The following ZRANB3 variants were observed in gnomAD, a reference collection of about 807,000 sequenced individuals.
ZRANB3 encodes DNA annealing helicase and endonuclease ZRANB3.
ZRANB3 carries 125 observed loss-of-function variants against 133.8 expected under a neutral mutation model. The observed-to-expected ratio is 0.93, with a 90% CI of 0.81 to 1.08. The LOEUF (loss-of-function observed/expected upper bound fraction) is 1.08, where lower values mean the gene tolerates loss of function less well. ZRANB3 is among the 50% of genes least tolerant of loss of function. ZRANB3 has a pLI of 0.00. For synonymous variants in ZRANB3, 387 were observed against 432.7 expected, an observed-to-expected ratio of 0.89 and a Z score of 1.31; for missense variants, 1,229 against 1,275.5, an observed-to-expected ratio of 0.96 and a Z score of 0.56.
At chr2:135,261,687 A>T (rs1300764602) in intron 12 of ZRANB3, among the ~76,000 whole-genome samples, 1 of 152,246 alleles carries the variant, frequency 6.6e-6, no homozygotes, top group East Asian at 1.9e-4. Context: ...ACACATATGT[A>T]GGAAGATTTA....
chr2:135,294,382 T>C (rs1381602779), intron 8 of ZRANB3, among the ~76,000 whole-genome samples: 2 of 152,250 alleles, frequency 1.3e-5, no homozygotes, highest in Non-Finnish European at 2.9e-5. Context: ...TTTATTTGCA[T>C]AGAGGTGTTT....
chr2:135,271,971 T>C lies in ZRANB3; in HGVS notation c.1087-84A>G. The C allele has an allele frequency of 4.4e-6, 6 of 1,353,640 alleles. No homozygotes were observed. The Middle Eastern group carries it at 1.5e-3, about 348-fold the overall frequency. 83.9% of individuals were successfully genotyped at this position (1,353,640 alleles called of 1,614,324 possible). On this transcript the variant is annotated intron_variant, in intron 9 of 20. Transcript: ENST00000264159. ...TTATATATTTTACAGCTTATTTTTA[T>C]GGTCACATAACAAAATGGAACTTGG... is the stretch of plus-strand genomic sequence containing the variant.
intron 13 of ZRANB3, among the ~76,000 whole-genome samples, chr2:135,229,841 CA>C (rs1357000845): frequency 6.6e-6 from 1 of 152,084 alleles, no homozygotes; most frequent in Admixed American, 6.5e-5. Flanking sequence ...TTTCTTACGA[CA>C]ACCACGGGTA....
At chr2:135,526,863 C>A (rs1238515831) in intron 1 of ZRANB3, among the ~76,000 whole-genome samples, 1 of 152,062 alleles carries the variant, frequency 6.6e-6, no homozygotes, top group Non-Finnish European at 1.5e-5. Flanking sequence ...AAAACTTGGT[C>A]TCCACAATCC....
At chr2:135,432,182 G>A (rs747063368) in intron 2 of ZRANB3, among the ~76,000 whole-genome samples, 5 of 152,188 alleles carry the variant, frequency 3.3e-5, no homozygotes, top group South Asian at 2.1e-4. Context: ...CCCAGGAGGC[G>A]GAGGCTGCAG....
chr2:135,284,103 C>T (rs190159294), intron 8 of ZRANB3, among the ~76,000 whole-genome samples: 2 of 152,214 alleles, frequency 1.3e-5, no homozygotes, highest in African/African-American at 4.8e-5. Context: ...TGGAGCCAGA[C>T]AGTCTGGGTT....
chr2:135,360,556 T>A (rs934559067), intron 3 of ZRANB3, among the ~76,000 whole-genome samples: 2 of 150,442 alleles, frequency 1.3e-5, no homozygotes, highest in African/African-American at 2.4e-5. Context: ...ATACAAAAAA[T>A]TAGCCAAGCG....
Position 135,285,805 on chromosome 2 carries a change from G to A in ZRANB3, c.967-10050C>T, listed in dbSNP as rs78539986. On this transcript the variant is annotated intron_variant, in intron 8 of 20. Transcript: ENST00000264159. The stretch of plus-strand genomic sequence containing the variant: ...TTGTAATGTACTTGAATTGAGAGAT[G>A]GCTAGACCATATGTAACACATGTAA... 7.4e-3 allele frequency among the ~76,000 whole-genome samples: 1,133 copies of A among 152,264 alleles called. 13 individuals are homozygous for A. The highest frequency in any genetic ancestry group is 0.026 in the African/African-American group (1,081 of 41,564).
chr2:135,493,559 A>G (rs1221769281), intron 2 of ZRANB3, among the ~76,000 whole-genome samples: 1 of 152,148 alleles, frequency 6.6e-6, no homozygotes, highest in Non-Finnish European at 1.5e-5. Context: ...CTGTAAGTTC[A>G]GGGAAACATG....
At chr2:135,353,234 C>T (rs751082868) in intron 4 of ZRANB3, 5 of 274,778 alleles carry the variant, frequency 1.8e-5, no homozygotes, top group Non-Finnish European at 3.4e-5. Context: ...TTTACATTTA[C>T]TTTAAAAATA....
At chr2:135,466,086 T>C (rs981169690) in intron 2 of ZRANB3, among the ~76,000 whole-genome samples, 3 of 152,040 alleles carry the variant, frequency 2.0e-5, no homozygotes, top group South Asian at 2.1e-4. Flanking sequence ...AAACACAATA[T>C]ATGAAGAATG....
At chr2:135,289,509 C>T (rs895729441) in intron 8 of ZRANB3, among the ~76,000 whole-genome samples, 1 of 152,214 alleles carries the variant, frequency 6.6e-6, no homozygotes, top group African/African-American at 2.4e-5. Flanking sequence ...CCCCCTCAGC[C>T]TCCCACAGTG....
At chr2:135,294,519 A>C (rs978595613) in intron 8 of ZRANB3, among the ~76,000 whole-genome samples, 1 of 151,866 alleles carries the variant, frequency 6.6e-6, no homozygotes, top group Non-Finnish European at 1.5e-5. Flanking sequence ...GCAGTCTATC[A>C]ATTTTTTTGA....
At chr2:135,416,180 A>G (rs1416357397) in intron 2 of ZRANB3, among the ~76,000 whole-genome samples, 1 of 151,766 alleles carries the variant, frequency 6.6e-6, no homozygotes, top group Non-Finnish European at 1.5e-5. Context: ...CCCTGTTTGC[A>G]GATGACATGA....
In ZRANB3 at chr2:135,269,100, C is replaced by T. The variant is rs1329094480; in HGVS notation, c.1248G>A (p.Glu416=). 1 of 1,608,554 alleles carries T rather than the reference C, an allele frequency of 6.2e-7. No homozygotes were observed. The highest frequency in any genetic ancestry group is 2.2e-5 in the East Asian group (1 of 44,670). Reference sequence around the variant, plus strand: ...TTATATGTCCAGGGTCCCAGTACAACTCAGCAAATACAACATGACTTGCTG... The same window carrying T: ...TTATATGTCCAGGGTCCCAGTACAATTCAGCAAATACAACATGACTTGCTG... ...FTAASHVVFA[E]LYWDPGHIKQ... Residue 416 remains glutamate (E), a synonymous_variant, in exon 11 of 21, where the codon GAG becomes GAA. Transcript: ENST00000264159.
At chr2:135,351,141 G>A (rs1685184978) in intron 4 of ZRANB3, among the ~76,000 whole-genome samples, 1 of 152,120 alleles carries the variant, frequency 6.6e-6, no homozygotes, top group African/African-American at 2.4e-5. Context: ...ACAGGACAGA[G>A]CCAGTCTTCT....
chr2:135,202,733 C>A, intron 20 of ZRANB3, 99 bp downstream of exon 20: 2 of 1,393,118 alleles, frequency 1.4e-6, no homozygotes, highest in South Asian at 1.6e-5. Context: ...AATCTCAGAC[C>A]AGAGATAAAT....
chr2:135,474,205 T>C (rs1691401867), intron 2 of ZRANB3, among the ~76,000 whole-genome samples: 1 of 151,358 alleles, frequency 6.6e-6, no homozygotes, highest in Admixed American at 6.6e-5. Flanking sequence ...ACAAACAAAC[T>C]GACAAAAAAC....
chr2:135,302,504 G>A (rs746199347), intron 8 of ZRANB3, among the ~76,000 whole-genome samples: 7 of 150,734 alleles, frequency 4.6e-5, no homozygotes, highest in Non-Finnish European at 7.4e-5. Context: ...TATTGTCAAC[G>A]CTTCTGACTT....
Sources: allele counts gnomAD v4.1 joint callset (sites outside exome capture counted in the v4.1 genomes callset), GRCh38; gene constraint gnomAD v4.1.1; transcripts MANE v1.5; gene names NCBI Gene and HGNC (gene_info 2026-07-23, HGNC 2026-07-21).